TMEM117: variants seen among roughly 807,000 people sequenced by gnomAD.
TMEM117 encodes transmembrane protein 117.
In TMEM117, 27 loss-of-function variants were observed where a neutral mutation model predicts 52.4. The observed-to-expected ratio is 0.51, with a 90% CI of 0.38 to 0.71. The LOEUF is 0.71. Among genes scored for constraint, TMEM117 ranks in the 30% least tolerant of loss-of-function variants. TMEM117 has a pLI of 0.00. For synonymous variants in TMEM117, 215 were observed against 206.3 expected (o/e 1.04, Z -0.36); for missense variants, 556 against 630.5 (o/e 0.88, Z 1.26).
At chr12:43,900,041 C>T (rs1051577386) in intron 2 of TMEM117, among the ~76,000 whole-genome samples, 3 of 152,130 alleles carry the variant, frequency 2.0e-5, no homozygotes, top group East Asian at 1.9e-4. Flanking sequence ...GGTTTATAAT[C>T]GAAGGTAAGT....
At chr12:44,304,208 G>A (rs1950876723) in intron 6 of TMEM117, among the ~76,000 whole-genome samples, 1 of 152,184 alleles carries the variant, frequency 6.6e-6, no homozygotes, top group African/African-American at 2.4e-5. Flanking sequence ...AGAGCACAGT[G>A]ACTATGGGAC....
intron 3 of TMEM117, among the ~76,000 whole-genome samples, chr12:43,967,758 T>C (rs568641146): frequency 2.6e-5 from 4 of 152,222 alleles, no homozygotes; most frequent in Non-Finnish European, 5.9e-5. Flanking sequence ...GAAACTGAGA[T>C]AATGAATGCT....
At chr12:44,009,538 G>A (rs2638850) in intron 3 of TMEM117, 217,200 of 218,190 alleles carry the variant, frequency 1, 108,112 homozygotes, top group East Asian at 1. Context: ...GAGCATACAA[G>A]ACTCTTTCAT....
At chr12:43,814,911 A>AT in the TMEM117 span, among the ~76,000 whole-genome samples, 2 of 151,726 alleles carry the variant, frequency 1.3e-5, no homozygotes, top group South Asian at 4.2e-4. Context: ...TGCCCAGCTA[A>AT]TTTTTTTATT....
chr12:44,191,687 G>A (rs775210604), intron 4 of TMEM117, among the ~76,000 whole-genome samples: 8 of 152,006 alleles, frequency 5.3e-5, no homozygotes, highest in African/African-American at 9.7e-5. Flanking sequence ...ACCTCATCCA[G>A]GTCTCACAAC....
chr12:44,073,232 A>T (rs537455747), intron 3 of TMEM117, among the ~76,000 whole-genome samples: 2 of 152,308 alleles, frequency 1.3e-5, no homozygotes, highest in South Asian at 4.1e-4. Context: ...ATTGTGCCTA[A>T]TGCCCAGATA....
intron 3 of TMEM117, among the ~76,000 whole-genome samples, chr12:44,118,564 G>A (rs1592532595): frequency 6.6e-6 from 1 of 152,282 alleles, no homozygotes; most frequent in East Asian, 1.9e-4. Context: ...ATATTACTAT[G>A]TTTATTAGAT....
intron 3 of TMEM117, among the ~76,000 whole-genome samples, chr12:43,959,156 T>G (rs547028167): frequency 2.6e-5 from 4 of 152,274 alleles, no homozygotes; most frequent in South Asian, 2.1e-4. Flanking sequence ...CAAGCAAGGA[T>G]AAATAGGAAA....
chr12:44,385,696 G>A (rs1952078814), intron 7 of TMEM117, among the ~76,000 whole-genome samples: 2 of 152,178 alleles, frequency 1.3e-5, no homozygotes, highest in Admixed American at 1.3e-4. Flanking sequence ...AACATGTACA[G>A]TTTACAGCAA....
Position 44,376,690 on chromosome 12 carries a change from A to T in TMEM117, c.864A>T (p.Lys288Asn). ...HMQFKIPFFQ[K>N]IFKEEYRIHI... ...AGTTCAAGATTCCTTTCTTCCAGAAAATCTTCAAGGAGGAATATCGTATTC... is the reference window on the plus strand; with the variant it reads ...AGTTCAAGATTCCTTTCTTCCAGAATATCTTCAAGGAGGAATATCGTATTC... The change falls in exon 7 of 8, where the codon AAA becomes AAT. Residue 288 changes from lysine (K) to asparagine (N), a missense_variant. Physicochemically the swap from Lys to Asn is moderately conservative, Grantham distance 94. This residue lies in a region of TMEM117 where 328 missense variants were observed against 371.4 expected (regional missense o/e 0.88). Transcript: ENST00000266534. The T allele has an allele frequency of 1.9e-6, 3 of 1,611,440 alleles. No homozygotes were observed. Among genetic ancestry groups the T allele is most frequent in the Non-Finnish European group, 1.7e-6 (2 of 1,179,134 alleles).
At chr12:44,394,739 C>A (rs1410011136), downstream of TMEM117, among the ~76,000 whole-genome samples, 2 of 152,158 alleles carry the variant, frequency 1.3e-5, no homozygotes, top group African/African-American at 2.4e-5. Context: ...GTGCTTGTGT[C>A]TTCAGCATTT....
chr12:44,395,095 G>A, the TMEM117 span, among the ~76,000 whole-genome samples: 1 of 152,152 alleles, frequency 6.6e-6, no homozygotes, highest in Non-Finnish European at 1.5e-5. Flanking sequence ...TGTAAGATGA[G>A]ACGAAGAGCA....
At chr12:43,796,689 C>A in the TMEM117 span, among the ~76,000 whole-genome samples, 1 of 152,016 alleles carries the variant, frequency 6.6e-6, no homozygotes, top group Non-Finnish European at 1.5e-5. Context: ...CCAGTAGCCA[C>A]ATTTAGCTAA....
chr12:44,017,051 CA>C (rs1946382996), intron 3 of TMEM117, among the ~76,000 whole-genome samples: 2 of 151,996 alleles, frequency 1.3e-5, no homozygotes, highest in South Asian at 2.1e-4. Flanking sequence ...TTTAAGGTGG[CA>C]AATGTGTCAC....
chr12:44,015,282 G>T (rs1217391320), intron 3 of TMEM117, among the ~76,000 whole-genome samples: 1 of 152,014 alleles, frequency 6.6e-6, no homozygotes, highest in Non-Finnish European at 1.5e-5. Flanking sequence ...AACTGAAAAA[G>T]AACAAAACCC....
chr12:44,114,153 G>A (rs902596032), intron 3 of TMEM117, among the ~76,000 whole-genome samples: 1 of 151,748 alleles, frequency 6.6e-6, no homozygotes, highest in African/African-American at 2.4e-5. Context: ...TGGAAATGCA[G>A]TAATCACCCG....
intron 5 of TMEM117, among the ~76,000 whole-genome samples, chr12:44,239,887 T>A (rs1013184920): frequency 1.2e-4 from 18 of 152,256 alleles, no homozygotes; most frequent in South Asian, 4.1e-4. Context: ...GACTTTTTTT[T>A]AAATTTCAGT....
chr12:44,305,938 C>A (rs775972980), intron 6 of TMEM117, among the ~76,000 whole-genome samples: 3 of 152,182 alleles, frequency 2.0e-5, no homozygotes, highest in Admixed American at 1.3e-4. Flanking sequence ...GCATACTATA[C>A]AGCCATGAAA....
intron 3 of TMEM117, among the ~76,000 whole-genome samples, chr12:43,951,405 A>G (rs1945219337): frequency 6.6e-6 from 1 of 152,164 alleles, no homozygotes; most frequent in African/African-American, 2.4e-5. Flanking sequence ...TGAAATCCCC[A>G]TTACCAGCAC....
Sources: gnomAD v4.1 joint callset for allele counts (sites outside exome capture counted in the v4.1 genomes callset) on GRCh38, gnomAD v4.1.1 for gene constraint, gnomAD v4.1.1 regional missense constraint, MANE v1.5 for transcripts, NCBI Gene and HGNC (gene_info 2026-07-23, HGNC 2026-07-21) for gene names.